LIMA1: variants seen among roughly 807,000 people sequenced by gnomAD.
The protein encoded by LIMA1 is LIM domain and actin-binding protein 1.
LIMA1 carries 52 observed loss-of-function variants against 62.6 expected under a neutral mutation model. That is an observed-to-expected ratio of 0.83 (90% confidence interval 0.67 to 1.05). The LOEUF (loss-of-function observed/expected upper bound fraction) is 1.05, where lower values mean the gene tolerates loss of function less well. Ranked by LOEUF, LIMA1 falls within the 50% of genes least tolerant of loss-of-function variation. The pLI is 0.00. For missense variants in LIMA1, 780 were observed against 902.2 expected (o/e 0.86, Z 1.74); for synonymous variants, 302 against 317.8 (o/e 0.95, Z 0.53).
At chr12:50,223,475 G>A (rs912644868) in intron 3 of LIMA1, among the ~76,000 whole-genome samples, 40 of 138,228 alleles carry the variant, frequency 2.9e-4, no homozygotes, top group Admixed American at 1.6e-3. Context: ...AAAGTGAGAC[G>A]CCATCCCCCA....
At chr12:50,197,139 C>T (rs1940947020) in intron 7 of LIMA1, among the ~76,000 whole-genome samples, 1 of 148,092 alleles carries the variant, frequency 6.8e-6, no homozygotes, top group South Asian at 2.2e-4. Context: ...GGTGCGATCT[C>T]AGCTCACTGC....
intron 8 of LIMA1, among the ~76,000 whole-genome samples, chr12:50,193,667 T>TATATATA (rs1491331766): frequency 5.7e-4 from 30 of 52,566 alleles, no homozygotes; most frequent in African/African-American, 2.0e-3. Context: ...TATATATATA[T>TATATATA]TTTTTTTTTT....
At chr12:50,220,356 G>A (rs898400253) in intron 4 of LIMA1, among the ~76,000 whole-genome samples, 7 of 152,014 alleles carry the variant, frequency 4.6e-5, no homozygotes, top group East Asian at 1.9e-4. Flanking sequence ...CACCACGCCC[G>A]GACTAGTAAG....
chr12:50,275,867 A>C (rs911385102), intron 1 of LIMA1, among the ~76,000 whole-genome samples: 5 of 152,104 alleles, frequency 3.3e-5, no homozygotes, highest in African/African-American at 1.2e-4. Context: ...GCATGTCAGA[A>C]AGCTAGACTG....
chr12:50,250,429 C>CA (rs973014045), intron 1 of LIMA1, among the ~76,000 whole-genome samples: 17 of 150,816 alleles, frequency 1.1e-4, no homozygotes, highest in African/African-American at 4.1e-4. Context: ...CTCTTCTCTA[C>CA]AAAAAATTAA....
At chr12:50,239,227 G>T (rs1195876461) in intron 2 of LIMA1, among the ~76,000 whole-genome samples, 1 of 151,940 alleles carries the variant, frequency 6.6e-6, no homozygotes, top group African/African-American at 2.4e-5. Context: ...TGAAAAAAAA[G>T]AACAGGGTAT....
chr12:50,263,756 T>A (rs1383775440), intron 1 of LIMA1, among the ~76,000 whole-genome samples: 1 of 149,516 alleles, frequency 6.7e-6, no homozygotes, highest in African/African-American at 2.5e-5. Context: ...AAACACAGAG[T>A]TACCATGGGA....
Position 50,183,824 on chromosome 12 carries a change from A to C in LIMA1, c.1141-1787T>G, listed in dbSNP as rs1293887637. ...AGACTTGGTCTCAAAAAAAAAAAAA[A>C]AAAAAAAAAACCCAAAACAGGCCCA... On this transcript the variant is annotated intron_variant, in intron 9 of 10. Coordinates refer to ENST00000341247, the MANE Select transcript of LIMA1 (RefSeq NM_016357.5). Among the ~76,000 whole-genome samples the C allele has an allele frequency of 2.0e-5, 3 of 151,118 alleles. No homozygotes were observed. The East Asian group carries it at 5.8e-4, about 29-fold the overall frequency.
intron 3 of LIMA1, 103 bp from the exon 4 acceptor site, chr12:50,222,588 T>C (rs555720543): frequency 6.4e-7 from 1 of 1,559,752 alleles, no homozygotes; most frequent in Non-Finnish European, 8.6e-7. Context: ...CTGCTCCTGG[T>C]CCACTGCTGT....
intron 4 of LIMA1, among the ~76,000 whole-genome samples, chr12:50,218,796 A>G (rs976596912): frequency 7.9e-5 from 12 of 151,212 alleles, no homozygotes; most frequent in African/African-American, 2.9e-4. Context: ...GGCCCCAGCT[A>G]TTTGGGAGGC....
intron 1 of LIMA1, among the ~76,000 whole-genome samples, chr12:50,283,079 G>A (rs1942359532): frequency 6.6e-6 from 1 of 152,034 alleles, no homozygotes; most frequent in African/African-American, 2.4e-5. Context: ...GTATTTCCCT[G>A]GAAGGAGGGT....
In LIMA1 at chr12:50,202,878, A is replaced by G. The variant is rs960390643; in HGVS notation, c.864+1674T>C. Among the ~76,000 whole-genome samples, 4 of 152,210 alleles carry G rather than the reference A, an allele frequency of 2.6e-5. No homozygotes were observed. The East Asian group carries it at 5.8e-4, about 22-fold the overall frequency. On this transcript the variant is annotated intron_variant, in intron 6 of 10. Transcript: ENST00000341247. The stretch of plus-strand genomic sequence containing the variant: ...TTTGTTAGACAATTAGGACATCAAG[A>G]GATTAATGGTTTGTAATTTGAAATC...
chr12:50,207,595 T>C (rs1420100760), intron 4 of LIMA1, among the ~76,000 whole-genome samples: 3 of 152,202 alleles, frequency 2.0e-5, no homozygotes, highest in East Asian at 3.9e-4. Context: ...ACTGTAAAGT[T>C]TGAGGAAGTG....
chr12:50,242,650 T>C (rs532619302), intron 2 of LIMA1, among the ~76,000 whole-genome samples: 2 of 152,354 alleles, frequency 1.3e-5, no homozygotes, highest in East Asian at 3.9e-4. Context: ...CTCAAGCTCC[T>C]AATCTGTCAA....
At chr12:50,193,605 CATGTATATATATATACATATATATACGT>C (rs1565833317) in intron 8 of LIMA1, among the ~76,000 whole-genome samples, 1 of 2,870 alleles carries the variant, frequency 3.5e-4, no homozygotes, top group East Asian at 0.022. Flanking sequence ...TATATATATA[CATGTATATATATATACATATATATACGT>C]GTGTGTGTGT....
chr12:50,181,852 C>G, intron 10 of LIMA1, 52 bp downstream of exon 10: 3 of 1,603,030 alleles, frequency 1.9e-6, no homozygotes, highest in Non-Finnish European at 2.6e-6. Flanking sequence ...AAGCCAAAGA[C>G]TCCCTCTAGA....
intron 4 of LIMA1, chr12:50,217,650 C>T (rs1251299693): frequency 1.4e-5 from 3 of 207,834 alleles, no homozygotes; most frequent in South Asian, 8.6e-5. Flanking sequence ...TCGGTCCTTG[C>T]GGGCTTCATG....
intron 8 of LIMA1, among the ~76,000 whole-genome samples, chr12:50,193,920 C>T (rs1456562218): frequency 1.3e-5 from 2 of 149,438 alleles, no homozygotes; most frequent in Non-Finnish European, 1.5e-5. Context: ...CCTGCCTCAA[C>T]CTCACGAAGT....
intron 9 of LIMA1, among the ~76,000 whole-genome samples, chr12:50,190,553 T>G (rs1940737087): frequency 8.9e-6 from 1 of 112,398 alleles, no homozygotes; most frequent in Non-Finnish European, 1.7e-5. Flanking sequence ...TTTTTTTTTG[T>G]ACTTTTAGTA....
Sources: gnomAD v4.1 joint callset for allele counts (sites outside exome capture counted in the v4.1 genomes callset) on GRCh38, gnomAD v4.1.1 for gene constraint, MANE v1.5 for transcripts, NCBI Gene and HGNC (gene_info 2026-07-23, HGNC 2026-07-21) for gene names.